GPR12: variants seen among roughly 807,000 people sequenced by gnomAD.
GPR12 encodes G-protein coupled receptor 12.
In GPR12, 7 loss-of-function variants were observed where a neutral mutation model predicts 18.9. The ratio of observed to expected loss-of-function variants is 0.37; its 90% CI spans 0.21 to 0.70. The LOEUF (loss-of-function observed/expected upper bound fraction) is 0.70. Ranked by LOEUF, GPR12 falls within the 30% of genes least tolerant of loss-of-function variation. GPR12 has a pLI of 0.54. For missense variants in GPR12, 327 were observed against 427.7 expected (o/e 0.76, Z 2.08); for synonymous variants, 201 against 188.6 (o/e 1.07, Z -0.54).
In GPR12 at chr13:26,758,766, C is replaced by T; in HGVS notation, c.*57G>A. ...GGAATTCAAGGGAAGCATCTCAAAC[C>T]TTGGCCAGGCAGTGGAAGTGCTTGG... On this transcript the variant is annotated 3_prime_UTR_variant, in exon 2 of 2. Transcript: ENST00000405846. The T allele has an allele frequency of 6.5e-7, 1 of 1,535,658 alleles. No homozygotes were observed. Among genetic ancestry groups the T allele is most frequent in the Non-Finnish European group, 8.8e-7 (1 of 1,139,760 alleles).
rs546538342 is a variant in GPR12, at chr13:26,757,266, C to T, written c.*1557G>A. 17 of 152,260 alleles carry T rather than the reference C, an allele frequency of 1.1e-4. No homozygotes were observed. The highest frequency in any genetic ancestry group is 3.9e-4 in the African/African-American group (16 of 41,546). The allele number at this position is 152,260 out of a possible 1,614,324, so 9.4% of individuals were successfully genotyped here. A position where few individuals can be genotyped will look rare whatever the true frequency, so the allele number is the denominator to read the frequency against. ...CCTGGGCATCACATCTGGGACAAAC[C>T]GATGAGGTTAATTTATTACAAATGA... On this transcript the variant is annotated 3_prime_UTR_variant, in exon 2 of 2. Coordinates refer to ENST00000405846, the MANE Select transcript of GPR12 (RefSeq NM_005288.4).
rs907565076 is a variant in GPR12, at chr13:26,757,338, C to T, written c.*1485G>A. 2.0e-5 allele frequency: 3 copies of T among 152,184 alleles called. No homozygotes were observed. Among genetic ancestry groups the T allele is most frequent in the Non-Finnish European group, 4.4e-5 (3 of 68,038 alleles). The allele number at this position is 152,184 out of a possible 1,614,324, so 9.4% of individuals were successfully genotyped here. On this transcript the variant is annotated 3_prime_UTR_variant, in exon 2 of 2. Coordinates refer to ENST00000405846, the MANE Select transcript of GPR12 (RefSeq NM_005288.4). ...CTGCTTTTGCTGCCATCTGAATGGG[C>T]TCAATTAATGTGCTGCCAAGAATTT...
At chr13:26,759,941 C>T in intron 1 of GPR12, 99 bp from the exon 2 acceptor site, 1 of 1,442,552 alleles carries the variant, frequency 6.9e-7, no homozygotes. Context: ...CCAGCCCCTG[C>T]TCAGATACCA....
At position 26,757,560 on chromosome 13, in the gene GPR12, T is replaced by C. The variant is rs970931488; in HGVS notation, c.*1263A>G. The C allele has an allele frequency of 2.0e-5, 3 of 152,260 alleles. No individual in the cohort carries two copies. The highest frequency in any genetic ancestry group is 7.2e-5 in the African/African-American group (3 of 41,462). 9.4% of individuals were successfully genotyped at this position (152,260 alleles called of 1,614,324 possible). The stretch of plus-strand genomic sequence containing the variant: ...AACAGGCAATGTGATTTTTATTGTG[T>C]ATAAATTGGTTTTTGGTGAAAAGGA... On this transcript the variant is annotated 3_prime_UTR_variant, in exon 2 of 2. Coordinates refer to ENST00000405846, the MANE Select transcript of GPR12 (RefSeq NM_005288.4).
rs920396015 is a variant in GPR12 at position 26,757,422 on chromosome 13, G to A, written c.*1401C>T. 3.3e-5 allele frequency: 5 copies of A among 152,198 alleles called. No individual in the cohort carries two copies. Among genetic ancestry groups the A allele is most frequent in the African/African-American group, 1.2e-4 (5 of 41,432 alleles). 9.4% of individuals were successfully genotyped at this position (152,198 alleles called of 1,614,324 possible). ...CATTGCAAATGGAGGGAAGGTACCT[G>A]CGTCTACATTTGTCTGCATGAACAG... On this transcript the variant is annotated 3_prime_UTR_variant, in exon 2 of 2. Transcript: ENST00000405846.
Position 26,758,786 on chromosome 13 carries a change from G to A in GPR12, c.*37C>T, listed in dbSNP as rs373528373. The A allele has an allele frequency of 1.4e-4, 220 of 1,552,158 alleles. No individual in the cohort carries two copies. The highest frequency in any genetic ancestry group is 5.4e-4 in the Middle Eastern group (3 of 5,540). On this transcript the variant is annotated 3_prime_UTR_variant, in exon 2 of 2. Coordinates refer to ENST00000405846, the MANE Select transcript of GPR12 (RefSeq NM_005288.4). Reference sequence around the variant, plus strand: ...CAAACCTTGGCCAGGCAGTGGAAGTGCTTGGTAAATGCAGAGTCCTCCTGG... The same window carrying A: ...CAAACCTTGGCCAGGCAGTGGAAGTACTTGGTAAATGCAGAGTCCTCCTGG...
chr13:26,760,056 G>A (rs1398571317), intron 1 of GPR12: 2 of 673,988 alleles, frequency 3.0e-6, no homozygotes, highest in African/African-American at 3.6e-5. Flanking sequence ...GTTTGGCATT[G>A]GGGAAAACAC....
At chr13:26,760,184 G>C (rs1286047724) in intron 1 of GPR12, 1 of 201,748 alleles carries the variant, frequency 5.0e-6, no homozygotes, top group East Asian at 1.4e-4. Flanking sequence ...TGCTGAAAAC[G>C]AACAACTGTT....
chr13:26,757,256 T>G lies in GPR12; in HGVS notation c.*1567A>C, dbSNP rs533246052. 1 of 152,322 alleles carries G rather than the reference T, an allele frequency of 6.6e-6. No homozygotes were observed. Among genetic ancestry groups the G allele is most frequent in the South Asian group, 2.1e-4 (1 of 4,822 alleles). The allele number at this position is 152,322 out of a possible 1,614,324, so 9.4% of individuals were successfully genotyped here. A position where few individuals can be genotyped will look rare whatever the true frequency, so the allele number is the denominator to read the frequency against. ...TTGAGAGCACCCTGGGCATCACATC[T>G]GGGACAAACCGATGAGGTTAATTTA... On this transcript the variant is annotated 3_prime_UTR_variant, in exon 2 of 2. Transcript: ENST00000405846.
rs571320878 is a variant in GPR12 at position 26,758,072 on chromosome 13, A to G, written c.*751T>C. On this transcript the variant is annotated 3_prime_UTR_variant, in exon 2 of 2. Transcript: ENST00000405846. ...TTTAGAAAGTACATATTGGAAAACT[A>G]TATTGAAAAATGACCCGTTGGAATC... is the stretch of plus-strand genomic sequence containing the variant. 6.6e-6 allele frequency: 1 copy of G among 152,332 alleles called. No homozygotes were observed. Among genetic ancestry groups the G allele is most frequent in the South Asian group, 2.1e-4 (1 of 4,828 alleles). 9.4% of individuals were successfully genotyped at this position (152,332 alleles called of 1,614,324 possible). A position where few individuals can be genotyped will look rare whatever the true frequency, so the allele number is the denominator to read the frequency against.
In GPR12 at chr13:26,755,610, G is replaced by C. The variant is rs994657106; in HGVS notation, c.*3213C>G. 1 of 152,048 alleles carries C rather than the reference G, an allele frequency of 6.6e-6. No individual in the cohort carries two copies. The highest frequency in any genetic ancestry group is 2.4e-5 in the African/African-American group (1 of 41,382). 9.4% of individuals were successfully genotyped at this position (152,048 alleles called of 1,614,324 possible). ...TTACTGTAGGCTCCAGGCAAGGAGGGGCTCTATCTCCACCCTGCTTCCCTG... is the reference window on the plus strand; with the variant it reads ...TTACTGTAGGCTCCAGGCAAGGAGGCGCTCTATCTCCACCCTGCTTCCCTG... On this transcript the variant is annotated 3_prime_UTR_variant, in exon 2 of 2. Transcript: ENST00000405846.
In GPR12 at chr13:26,759,538, A is replaced by G; in HGVS notation, c.290T>C (p.Leu97Pro). ...ALADLLAGIGLITNFVFAYLL... is the reference protein window; with the variant it reads ...ALADLLAGIGPITNFVFAYLL... ...GTAGGCAAAAACAAAATTGGTGATG[A>G]GTCCAATGCCGGCCAGCAGGTCTGC... Residue 97 changes from leucine to proline, a missense_variant, in exon 2 of 2, where the codon CTC becomes CCC. Coordinates refer to ENST00000405846, the MANE Select transcript of GPR12 (RefSeq NM_005288.4). 6.2e-7 allele frequency: 1 copy of G among 1,614,172 alleles called. No individual in the cohort carries two copies. Among genetic ancestry groups the G allele is most frequent in the Non-Finnish European group, 8.5e-7 (1 of 1,180,026 alleles).
Position 26,758,690 on chromosome 13 carries a change from T to A in GPR12, c.*133A>T. 1 of 1,294,214 alleles carries A rather than the reference T, an allele frequency of 7.7e-7. No individual in the cohort carries two copies. The highest frequency in any genetic ancestry group is 1.0e-6 in the Non-Finnish European group (1 of 963,644). The allele number at this position is 1,294,214 out of a possible 1,614,324, so 80.2% of individuals were successfully genotyped here. A position where few individuals can be genotyped will look rare whatever the true frequency, so the allele number is the denominator to read the frequency against. On this transcript the variant is annotated 3_prime_UTR_variant, in exon 2 of 2. Transcript: ENST00000405846. ...ACTTAACTCATCTGAACGATGTCATTGTTTCACGAATGCTAAGTGCTCCTG... is the reference window on the plus strand; with the variant it reads ...ACTTAACTCATCTGAACGATGTCATAGTTTCACGAATGCTAAGTGCTCCTG...
Position 26,755,882 on chromosome 13 carries a change from T to G in GPR12, c.*2941A>C, listed in dbSNP as rs1026132045. The G allele has an allele frequency of 3.3e-5, 5 of 152,188 alleles. No homozygotes were observed. The highest frequency in any genetic ancestry group is 1.2e-4 in the African/African-American group (5 of 41,446). 9.4% of individuals were successfully genotyped at this position (152,188 alleles called of 1,614,324 possible). ...AGATTATCTGCTACCTCAGGACTGTTGGAAATAAGACAGTTTTCCATGAGG... is the reference window on the plus strand; with the variant it reads ...AGATTATCTGCTACCTCAGGACTGTGGGAAATAAGACAGTTTTCCATGAGG... On this transcript the variant is annotated 3_prime_UTR_variant, in exon 2 of 2. Transcript: ENST00000405846.
At chr13:26,760,029 C>A in intron 1 of GPR12, 187 bp from the exon 2 acceptor site, 2 of 983,230 alleles carry the variant, frequency 2.0e-6, no homozygotes, top group Non-Finnish European at 2.8e-6. Context: ...TGGTTTAAAC[C>A]CCACAACAAA....
In GPR12 at chr13:26,758,545, C is replaced by G. The variant is rs1446625192; in HGVS notation, c.*278G>C. 1 of 390,926 alleles carries G rather than the reference C, an allele frequency of 2.6e-6. No individual in the cohort carries two copies. Among genetic ancestry groups the G allele is most frequent in the Non-Finnish European group, 4.5e-6 (1 of 220,220 alleles). The allele number at this position is 390,926 out of a possible 1,614,324, so 24.2% of individuals were successfully genotyped here. A position where few individuals can be genotyped will look rare whatever the true frequency, so the allele number is the denominator to read the frequency against. ...CTTCCTTTCCTACCCCCAGTCAGCCCTCCAAACAAAGTATAAAAGGAAACC... is the reference window on the plus strand; with the variant it reads ...CTTCCTTTCCTACCCCCAGTCAGCCGTCCAAACAAAGTATAAAAGGAAACC... On this transcript the variant is annotated 3_prime_UTR_variant, in exon 2 of 2. Coordinates refer to ENST00000405846, the MANE Select transcript of GPR12 (RefSeq NM_005288.4).
At chr13:26,759,988 T>C (rs1006260887) in intron 1 of GPR12, 146 bp from the exon 2 acceptor site, 2 of 1,313,240 alleles carry the variant, frequency 1.5e-6, no homozygotes, top group Non-Finnish European at 2.0e-6. Context: ...TGAGGAACTG[T>C]TGGGAAATGA....
rs1418972529 is a variant in GPR12 at position 26,758,087 on chromosome 13, C to A, written c.*736G>T. ...TTGGAAAACTATATTGAAAAATGAC[C>A]CGTTGGAATCTAGATTGACATGGCA... On this transcript the variant is annotated 3_prime_UTR_variant, in exon 2 of 2. Coordinates refer to ENST00000405846, the MANE Select transcript of GPR12 (RefSeq NM_005288.4). 1.3e-5 allele frequency: 2 copies of A among 152,014 alleles called. No homozygotes were observed. The highest frequency in any genetic ancestry group is 2.4e-5 in the African/African-American group (1 of 41,388). The allele number at this position is 152,014 out of a possible 1,614,324, so 9.4% of individuals were successfully genotyped here.
chr13:26,759,623 T>C lies in GPR12; in HGVS notation c.205A>G (p.Ile69Val). 6.2e-7 allele frequency: 1 copy of C among 1,614,106 alleles called. No homozygotes were observed. The highest frequency in any genetic ancestry group is 1.1e-5 in the South Asian group (1 of 91,074). ...SCENAIVVLI[I>V]FHNPSLRAPM... ...GCTCGCAGGCTGGGGTTGTGGAAGA[T>C]GATAAGGACCACAATGGCATTTTCA... The change falls in exon 2 of 2, where the codon ATC becomes GTC. Residue 69 changes from isoleucine (I) to valine (V), a missense_variant. Ile to Val is a conservative substitution (Grantham distance 29). Coordinates refer to ENST00000405846, the MANE Select transcript of GPR12 (RefSeq NM_005288.4).
Sources: allele counts gnomAD v4.1 joint callset, GRCh38; gene constraint gnomAD v4.1.1; transcripts MANE v1.5; gene names NCBI Gene and HGNC (gene_info 2026-07-23, HGNC 2026-07-21).